RTN1: variants seen among roughly 807,000 people sequenced by gnomAD.
RTN1 encodes the protein reticulon-1.
RTN1 carries 25 observed loss-of-function variants against 65.5 expected under a neutral mutation model. The observed-to-expected ratio is 0.38, with a 90% confidence interval of 0.28 to 0.53. The LOEUF is 0.53. RTN1 is among the 20% of genes least tolerant of loss of function. The pLI, the probability that RTN1 is intolerant of heterozygous loss-of-function variation, is 0.79. For missense variants in RTN1, 983 were observed against 1,025.4 expected (o/e 0.96, Z 0.57); for synonymous variants, 471 against 447.6 (o/e 1.05, Z -0.66).
chr14:59,649,319 A>G (rs1216986731), intron 3 of RTN1, among the ~76,000 whole-genome samples: 1 of 152,230 alleles, frequency 6.6e-6, no homozygotes, highest in African/African-American at 2.4e-5. Context: ...AAGAAAACCT[A>G]GGCAATATCA....
At chr14:59,668,469 C>T (rs991982640) in intron 3 of RTN1, among the ~76,000 whole-genome samples, 5 of 152,170 alleles carry the variant, frequency 3.3e-5, no homozygotes, top group Non-Finnish European at 7.3e-5. Context: ...GGATTAAAGA[C>T]TGAAATGTTA....
Position 59,790,758 on chromosome 14 carries a change from T to C in RTN1, c.242-44277A>G, listed in dbSNP as rs1340804420. ...TTTGTTCTATTTCCTACCCCAGATA[T>C]ACTGATTTTTCTTTGGCTGTATCAT... On this transcript the variant is annotated intron_variant, in intron 1 of 8. Transcript: ENST00000267484. The surrounding 1 kb of genome is among the most constrained non-coding windows in gnomAD (Gnocchi z 4.1). Among the ~76,000 whole-genome samples the C allele has an allele frequency of 3.3e-5, 5 of 152,144 alleles. No homozygotes were observed. The highest frequency in any genetic ancestry group is 5.9e-5 in the Non-Finnish European group (4 of 68,016).
rs537110477 is a variant in RTN1, at chr14:59,742,768, A to G, written c.1015+2940T>C. Among the ~76,000 whole-genome samples the G allele has an allele frequency of 6.6e-5, 10 of 152,162 alleles. 1 individual carries two copies. The highest frequency in any genetic ancestry group is 4.8e-5 in the African/African-American group (2 of 41,510). Reference sequence around the variant, plus strand: ...GTGCAGTTCTCAATTTTTGTTTTCAATCTGTTGTCACTGGAAATGGCAGAG... The same window carrying G: ...GTGCAGTTCTCAATTTTTGTTTTCAGTCTGTTGTCACTGGAAATGGCAGAG... On this transcript the variant is annotated intron_variant, in intron 2 of 8. Coordinates refer to ENST00000267484, the MANE Select transcript of RTN1 (RefSeq NM_021136.3).
intron 3 of RTN1, among the ~76,000 whole-genome samples, chr14:59,690,265 G>A (rs1280824243): frequency 6.7e-6 from 1 of 148,864 alleles, no homozygotes; most frequent in Non-Finnish European, 1.5e-5. Context: ...AAGGGTCAAA[G>A]AAAGATCTAT....
chr14:59,823,214 A>G (rs1886973702), intron 1 of RTN1, among the ~76,000 whole-genome samples: 1 of 152,044 alleles, frequency 6.6e-6, no homozygotes, highest in African/African-American at 2.4e-5. Context: ...CACATTTAAG[A>G]GAGTTAAGTC....
At chr14:59,755,843 A>G (rs997693866) in intron 1 of RTN1, among the ~76,000 whole-genome samples, 1 of 152,224 alleles carries the variant, frequency 6.6e-6, no homozygotes, top group African/African-American at 2.4e-5. Flanking sequence ...TTCTCTAGCA[A>G]AAGACTAAGT....
intron 1 of RTN1, among the ~76,000 whole-genome samples, chr14:59,762,878 T>C (rs1298395755): frequency 6.6e-6 from 1 of 152,246 alleles, no homozygotes; most frequent in Admixed American, 6.5e-5. Context: ...AGCTACTATT[T>C]TGCCTTTTAA....
rs368068255 is a variant in RTN1, at chr14:59,635,812, A to T, written c.1766-28320T>A. ...TAAGTCCTCACTTAACATCGTTGAT[A>T]GGTTCTTGGAAACTGCAACTTTAAA... On this transcript the variant is annotated intron_variant, in intron 3 of 8. Transcript: ENST00000267484. Among the ~76,000 whole-genome samples the T allele has an allele frequency of 1.2e-4, 18 of 152,366 alleles. 2 individuals carry two copies. Among genetic ancestry groups the T allele is most frequent in the Admixed American group, 7.2e-4 (11 of 15,304 alleles).
In RTN1 at chr14:59,829,463, G is replaced by A. The variant is rs1887089002; in HGVS notation, c.241+40927C>T. Reference sequence around the variant, plus strand: ...ACTTAAATATTTTATAGTTATGTAAGTAACACCCATGGGGGAAGTACTGAA... The same window carrying A: ...ACTTAAATATTTTATAGTTATGTAAATAACACCCATGGGGGAAGTACTGAA... On this transcript the variant is annotated intron_variant, in intron 1 of 8. Transcript: ENST00000267484. This position sits in a 1 kb window ranked among gnomAD's most constrained non-coding sequence, Gnocchi z 4.3. 6.6e-6 allele frequency among the ~76,000 whole-genome samples: 1 copy of A among 152,216 alleles called. No homozygotes were observed. The highest frequency in any genetic ancestry group is 1.5e-5 in the Non-Finnish European group (1 of 68,042).
chr14:59,718,183 A>G (rs1380571112), intron 3 of RTN1, among the ~76,000 whole-genome samples: 1 of 152,168 alleles, frequency 6.6e-6, no homozygotes, highest in Non-Finnish European at 1.5e-5. Flanking sequence ...CACCATTTCA[A>G]CCTAGGTCAC....
At chr14:59,661,206 A>T (rs1182798781) in intron 3 of RTN1, among the ~76,000 whole-genome samples, 1 of 150,292 alleles carries the variant, frequency 6.7e-6, no homozygotes, top group Non-Finnish European at 1.5e-5. Context: ...TGAGTCCCTG[A>T]ACAGACCAAT....
chr14:59,798,153 A>G (rs1886473166), intron 1 of RTN1, among the ~76,000 whole-genome samples: 1 of 152,178 alleles, frequency 6.6e-6, no homozygotes, highest in Non-Finnish European at 1.5e-5. Flanking sequence ...GAATTTTTCA[A>G]AAAATGTGTT....
intron 3 of RTN1, among the ~76,000 whole-genome samples, chr14:59,722,543 G>A (rs1884667917): frequency 6.6e-6 from 1 of 152,078 alleles, no homozygotes; most frequent in Non-Finnish European, 1.5e-5. Context: ...GTACGATAAG[G>A]GAGGAAAAAG....
intron 3 of RTN1, among the ~76,000 whole-genome samples, chr14:59,641,572 T>C (rs1239789371): frequency 2.0e-5 from 3 of 152,142 alleles, no homozygotes; most frequent in Admixed American, 6.5e-5. Context: ...GGTTTTACCA[T>C]GTTGGTCAGG....
intron 1 of RTN1, among the ~76,000 whole-genome samples, chr14:59,750,304 A>AT (rs1885454503): frequency 3.7e-5 from 2 of 53,862 alleles, no homozygotes; most frequent in African/African-American, 8.8e-5. Flanking sequence ...TCTATAATAT[A>AT]TAATATATAA....
intron 1 of RTN1, among the ~76,000 whole-genome samples, chr14:59,755,085 G>C (rs1885610133): frequency 6.6e-6 from 1 of 152,128 alleles, no homozygotes; most frequent in African/African-American, 2.4e-5. Flanking sequence ...CTAGGGTTGA[G>C]ATAAGGGGCT....
rs1410256769 is a variant in RTN1, at chr14:59,836,986, C to T, written c.241+33404G>A. On this transcript the variant is annotated intron_variant, in intron 1 of 8. Coordinates refer to ENST00000267484, the MANE Select transcript of RTN1 (RefSeq NM_021136.3). The surrounding 1 kb of genome is among the most constrained non-coding windows in gnomAD (Gnocchi z 4.9). The stretch of plus-strand genomic sequence containing the variant: ...CTTTGCTGACTTTTTTTATTTGTAG[C>T]CTAAGAAAAATAATTTCCCACACAG... 6.6e-6 allele frequency among the ~76,000 whole-genome samples: 1 copy of T among 151,582 alleles called. No homozygotes were observed. Among genetic ancestry groups the T allele is most frequent in the Non-Finnish European group, 1.5e-5 (1 of 67,936 alleles).
chr14:59,870,377 G>T lies in RTN1; in HGVS notation c.241+13C>A. 1 of 1,498,272 alleles carries T rather than the reference G, an allele frequency of 6.7e-7. No individual in the cohort carries two copies. The highest frequency in any genetic ancestry group is 8.8e-7 in the Non-Finnish European group (1 of 1,134,712). 92.8% of individuals were successfully genotyped at this position (1,498,272 alleles called of 1,614,324 possible). ...CCCCGACGCCATTTGAGGGGCAGCG[G>T]CGCCCGCCTTACCTGTGGATGCAGT... On this transcript the variant is annotated intron_variant, in intron 1 of 8. Transcript: ENST00000267484. The surrounding 1 kb of genome is among the most constrained non-coding windows in gnomAD (Gnocchi z 5.1).
At chr14:59,801,094 G>C (rs1202305118) in intron 1 of RTN1, among the ~76,000 whole-genome samples, 1 of 152,134 alleles carries the variant, frequency 6.6e-6, no homozygotes, top group Non-Finnish European at 1.5e-5. Flanking sequence ...CAGCATCCAA[G>C]CTCTCTGGGA....
Sources: allele counts gnomAD v4.1 joint callset (sites outside exome capture counted in the v4.1 genomes callset), GRCh38; gene constraint gnomAD v4.1.1; non-coding constraint Gnocchi (gnomAD v3.1); transcripts MANE v1.5; gene names NCBI Gene and HGNC (gene_info 2026-07-23, HGNC 2026-07-21).